Variants in ATG14 observed in about 807,000 individuals in gnomAD.
ATG14 encodes the protein beclin 1-associated autophagy-related key regulator.
ATG14 carries 35 observed loss-of-function variants against 60.4 expected under a neutral mutation model. The observed-to-expected ratio is 0.58, with a 90% CI of 0.44 to 0.77. The LOEUF (loss-of-function observed/expected upper bound fraction) is 0.77, where lower values mean the gene tolerates loss of function less well. Ranked by LOEUF, ATG14 falls within the 30% of genes least tolerant of loss-of-function variation. ATG14 has a pLI of 0.00. For missense variants in ATG14, 647 were observed against 626.3 expected (o/e 1.03, Z -0.35); for synonymous variants, 234 against 228.8 (o/e 1.02, Z -0.21).
rs546061260 is a variant in ATG14, at chr14:55,384,365, T to C, written c.647+1494A>G. Reference sequence around the variant, plus strand: ...TCCCCAAAGTATCAATTCAGGAAAATATTATACAATAATCACAACCAGATA... The same window carrying C: ...TCCCCAAAGTATCAATTCAGGAAAACATTATACAATAATCACAACCAGATA... On this transcript the variant is annotated intron_variant, in intron 5 of 9. Transcript: ENST00000247178. 9.8e-5 allele frequency among the ~76,000 whole-genome samples: 15 copies of C among 152,296 alleles called. No individual in the cohort carries two copies. In the East Asian group the frequency reaches 2.7e-3, roughly 27 times the overall value.
At chr14:55,394,602 T>C (rs1259509369) in intron 3 of ATG14, among the ~76,000 whole-genome samples, 1 of 152,096 alleles carries the variant, frequency 6.6e-6, no homozygotes, top group Admixed American at 6.6e-5. Context: ...CACAGCACTG[T>C]ATCAAAGTTA....
At chr14:55,393,982 T>C (rs1885268609) in intron 3 of ATG14, among the ~76,000 whole-genome samples, 1 of 152,232 alleles carries the variant, frequency 6.6e-6, no homozygotes, top group East Asian at 1.9e-4. Context: ...CCACATTCTT[T>C]TTAACAACTA....
chr14:55,404,384 T>C (rs1885456060), intron 1 of ATG14, among the ~76,000 whole-genome samples: 1 of 152,198 alleles, frequency 6.6e-6, no homozygotes, highest in African/African-American at 2.4e-5. Context: ...ATCCTTACAC[T>C]GCCCTCTGGG....
chr14:55,370,802 G>A (rs940052919), intron 9 of ATG14, among the ~76,000 whole-genome samples: 128 of 152,040 alleles, frequency 8.4e-4, no homozygotes, highest in African/African-American at 2.9e-3. Flanking sequence ...CACCATGCCC[G>A]GCTAATTTTT....
At chr14:55,388,080 T>G (rs1421880058) in intron 4 of ATG14, among the ~76,000 whole-genome samples, 2 of 151,950 alleles carry the variant, frequency 1.3e-5, no homozygotes, top group African/African-American at 4.8e-5. Flanking sequence ...AAGGTTGCAG[T>G]GAGCCGAGAT....
chr14:55,395,248 A>C, intron 3 of ATG14: 1 of 351,952 alleles, frequency 2.8e-6, no homozygotes. Flanking sequence ...GCTGCAGGGA[A>C]GGCGTGTGCC....
At chr14:55,405,357 T>C (rs1885471953) in intron 1 of ATG14, among the ~76,000 whole-genome samples, 1 of 152,252 alleles carries the variant, frequency 6.6e-6, no homozygotes, top group Admixed American at 6.5e-5. Context: ...CATTTCTCAA[T>C]TTGTTTAGGG....
At chr14:55,402,962 T>A (rs866786584) in intron 1 of ATG14, among the ~76,000 whole-genome samples, 18 of 59,948 alleles carry the variant, frequency 3.0e-4, no homozygotes, top group Non-Finnish European at 2.2e-4. Context: ...TATATATATA[T>A]ATATATAAAT....
intron 9 of ATG14, among the ~76,000 whole-genome samples, chr14:55,374,304 C>T (rs1884879237): frequency 6.6e-6 from 1 of 152,092 alleles, no homozygotes; most frequent in South Asian, 2.1e-4. Flanking sequence ...TTCACTGCAG[C>T]CTCCAACTCC....
Position 55,369,816 on chromosome 14 carries a change from C to T in ATG14, c.1282G>A (p.Glu428Lys). 4 of 1,614,212 alleles carry T rather than the reference C, an allele frequency of 2.5e-6. No individual in the cohort carries two copies. The highest frequency in any genetic ancestry group is 3.4e-6 in the Non-Finnish European group (4 of 1,180,036). The change falls in exon 10 of 10, where the codon GAA becomes AAA. Residue 428 changes from glutamate (E) to lysine (K), a missense_variant. Transcript: ENST00000247178. Reference protein sequence around the residue: ...ESGDERVSDEETDLGTDWENL... With the variant: ...ESGDERVSDEKTDLGTDWENL... ...TCCCAGTCTGTGCCCAGGTCGGTTT[C>T]TTCATCGCTGACGCGCTCATCTCCG...
At chr14:55,406,130 T>C (rs1247765174) in intron 1 of ATG14, among the ~76,000 whole-genome samples, 1 of 152,258 alleles carries the variant, frequency 6.6e-6, no homozygotes, top group East Asian at 1.9e-4. Context: ...TCAAAGGAAC[T>C]AATTAATGTG....
intron 5 of ATG14, among the ~76,000 whole-genome samples, chr14:55,384,937 A>C (rs1885097477): frequency 6.6e-6 from 1 of 152,200 alleles, no homozygotes; most frequent in African/African-American, 2.4e-5. Flanking sequence ...TGCCCTCTGG[A>C]ACCTCTATTT....
At chr14:55,399,200 C>A (rs2140146989) in intron 1 of ATG14, among the ~76,000 whole-genome samples, 1 of 152,122 alleles carries the variant, frequency 6.6e-6, no homozygotes, top group East Asian at 1.9e-4. Flanking sequence ...ATACATTAAA[C>A]AGAAAAAGCA....
At chr14:55,404,967 T>G (rs1476987945) in intron 1 of ATG14, among the ~76,000 whole-genome samples, 1 of 152,156 alleles carries the variant, frequency 6.6e-6, no homozygotes, top group Non-Finnish European at 1.5e-5. Context: ...AAACCTTTTA[T>G]AAGTTCTAAA....
At chr14:55,409,501 C>T (rs146411857) in intron 1 of ATG14, among the ~76,000 whole-genome samples, 15 of 152,014 alleles carry the variant, frequency 9.9e-5, no homozygotes, top group African/African-American at 3.4e-4. Context: ...TGGTTAAATA[C>T]GCATGAGGTT....
At position 55,368,235 on chromosome 14, in the gene ATG14, T is replaced by G. The variant is rs1884727713; in HGVS notation, c.*1384A>C. ...CCTGCTGAGGGAAATTCTTTTTTTT[T>G]TTGAGACGGAGTTTCGCTCTTGTTG... is the stretch of plus-strand genomic sequence containing the variant. On this transcript the variant is annotated 3_prime_UTR_variant, in exon 10 of 10. Coordinates refer to ENST00000247178, the MANE Select transcript of ATG14 (RefSeq NM_014924.5). 6.5e-6 allele frequency: 1 copy of G among 152,700 alleles called. No homozygotes were observed. The highest frequency in any genetic ancestry group is 1.5e-5 in the Non-Finnish European group (1 of 68,112). The allele number at this position is 152,700 out of a possible 1,614,324, so 9.5% of individuals were successfully genotyped here.
In ATG14 at chr14:55,385,881, C is replaced by G; in HGVS notation, c.625G>C (p.Glu209Gln). Residue 209 changes from glutamate to glutamine, a missense_variant, in exon 5 of 10, where the codon GAG becomes CAG. Glu to Gln is a conservative substitution (Grantham distance 29). Transcript: ENST00000247178. ...TACCTCACACCCGTCTTTACTTCCT[C>G]GATTGGAAAAATGACAGAGGTGAGC... Reference protein sequence around the residue: ...LELTSVIFPIEEVKTGVRDPA... With the variant: ...LELTSVIFPIQEVKTGVRDPA... 3.1e-6 allele frequency: 5 copies of G among 1,612,010 alleles called. No homozygotes were observed. Among genetic ancestry groups the G allele is most frequent in the Non-Finnish European group, 4.2e-6 (5 of 1,178,766 alleles).
At chr14:55,397,168 C>T (rs998408321) in intron 2 of ATG14, among the ~76,000 whole-genome samples, 3 of 152,172 alleles carry the variant, frequency 2.0e-5, no homozygotes, top group African/African-American at 4.8e-5. Context: ...TACCACACAC[C>T]GGATCTGAGG....
Position 55,411,642 on chromosome 14 carries a change from T to C in ATG14, c.181A>G (p.Ser61Gly), listed in dbSNP as rs937188503. Residue 61 changes from serine to glycine, a missense_variant, in exon 1 of 10, where the codon AGC (serine) becomes GGC (glycine). Coordinates refer to ENST00000247178, the MANE Select transcript of ATG14 (RefSeq NM_014924.5). ...CCGTCGAAGTAGACGAAATCGCCGC[T>C]CTGAACGCATTTGGCGCAGGTCAGC... is the stretch of plus-strand genomic sequence containing the variant. ...RRLTCAKCVQ[S>G]GDFVYFDGRD... 1 of 1,613,106 alleles carries C rather than the reference T, an allele frequency of 6.2e-7. No individual in the cohort carries two copies. Among genetic ancestry groups the C allele is most frequent in the African/African-American group, 1.3e-5 (1 of 74,906 alleles).
Sources: gnomAD v4.1 joint callset for allele counts (sites outside exome capture counted in the v4.1 genomes callset) on GRCh38, gnomAD v4.1.1 for gene constraint, MANE v1.5 for transcripts, NCBI Gene and HGNC (gene_info 2026-07-23, HGNC 2026-07-21) for gene names.